Variants in CNTNAP4 observed in about 807,000 individuals in gnomAD.
The protein encoded by CNTNAP4 is contactin-associated protein-like 4.
In CNTNAP4, 98 loss-of-function variants were observed where a neutral mutation model predicts 148.4. That is an observed-to-expected ratio of 0.66 (90% CI 0.56 to 0.78). The LOEUF is 0.78. CNTNAP4 is among the 30% of genes least tolerant of loss of function. The pLI is 0.00. For synonymous variants in CNTNAP4, 730 were observed against 565.1 expected, an observed-to-expected ratio of 1.29 and a Z score of -4.14; for missense variants, 1,935 against 1,565.6, an observed-to-expected ratio of 1.24 and a Z score of -3.98.
At chr16:76,418,001 C>T (rs146745698) in intron 3 of CNTNAP4, among the ~76,000 whole-genome samples, 2 of 151,824 alleles carry the variant, frequency 1.3e-5, no homozygotes, top group East Asian at 3.9e-4. Flanking sequence ...ATATAGCTAC[C>T]TTTCGATGCC....
intron 3 of CNTNAP4, among the ~76,000 whole-genome samples, chr16:76,358,026 A>G (rs1263884519): frequency 6.6e-6 from 1 of 152,126 alleles, no homozygotes; most frequent in Non-Finnish European, 1.5e-5. Flanking sequence ...GAAGGTATCA[A>G]AAGTTTATGT....
At chr16:76,303,420 A>G (rs1960180163) in intron 1 of CNTNAP4, among the ~76,000 whole-genome samples, 1 of 152,202 alleles carries the variant, frequency 6.6e-6, no homozygotes. Context: ...ACCTAATATG[A>G]CTAGAATAAG....
intron 18 of CNTNAP4, among the ~76,000 whole-genome samples, chr16:76,537,078 G>A (rs1269595828): frequency 2.0e-5 from 3 of 152,052 alleles, no homozygotes; most frequent in African/African-American, 7.2e-5. Flanking sequence ...TATACTGCTG[G>A]TACCATTCTA....
At chr16:76,524,952 A>G (rs2144141578) in intron 17 of CNTNAP4, among the ~76,000 whole-genome samples, 1 of 152,154 alleles carries the variant, frequency 6.6e-6, no homozygotes, top group Admixed American at 6.5e-5. Context: ...TGGTGATACT[A>G]AGGGAAGGGC....
At chr16:76,352,596 GT>G (rs2011966171) in intron 2 of CNTNAP4, among the ~76,000 whole-genome samples, 1 of 152,076 alleles carries the variant, frequency 6.6e-6, no homozygotes, top group Admixed American at 6.5e-5. Flanking sequence ...CATCTACTAT[GT>G]AGACTGCACT....
intron 2 of CNTNAP4, among the ~76,000 whole-genome samples, chr16:76,333,201 A>T (rs1963693482): frequency 6.6e-6 from 1 of 152,292 alleles, no homozygotes; most frequent in East Asian, 1.9e-4. Context: ...CCACTAAGTG[A>T]CACATGATGT....
At position 76,476,951 on chromosome 16, in the gene CNTNAP4, GATAA is replaced by G. The variant is rs946443493; in HGVS notation, c.1762+910_1762+913del. ...AGATAATGATTAAATTATGATGGTA[GATAA>G]ATAGTTAATTTTATTCAATACTTTC... On this transcript the variant is annotated intron_variant, in intron 11 of 23. Transcript: ENST00000611870. Among the ~76,000 whole-genome samples the G allele has an allele frequency of 1.4e-4, 22 of 152,092 alleles. No homozygotes were observed. The South Asian group carries it at 2.5e-3, about 17-fold the overall frequency.
chr16:76,495,064 A>G lies in CNTNAP4; in HGVS notation c.2235A>G (p.Glu745=). 3 of 1,612,982 alleles carry G rather than the reference A, an allele frequency of 1.9e-6. No individual in the cohort carries two copies. The highest frequency in any genetic ancestry group is 2.2e-5 in the East Asian group (1 of 44,844). ...GCAATTGTGATGCTGACCGGAATGA[A>G]TGGTGATTTCCATATGATTTCTTTA... ...YYCNCDADRN[E]WTNDTGLLAY... Residue 745 remains glutamate, a splice_region_variant and synonymous_variant, in exon 14 of 24, where the codon GAA becomes GAG. Coordinates refer to ENST00000611870, the MANE Select transcript of CNTNAP4 (RefSeq NM_033401.5).
rs1272579054 is a variant in CNTNAP4, at chr16:76,406,337, G to T, written c.391-21115G>T. Among the ~76,000 whole-genome samples, 4 of 152,058 alleles carry T rather than the reference G, an allele frequency of 2.6e-5. No homozygotes were observed. The East Asian group carries it at 7.7e-4, about 29-fold the overall frequency. ...GTGTGTTCTGACTCCTCCACCAACT[G>T]GCTGTTCCCGCATCTCTCTCTCTCT... On this transcript the variant is annotated intron_variant, in intron 3 of 23. Coordinates refer to ENST00000611870, the MANE Select transcript of CNTNAP4 (RefSeq NM_033401.5).
chr16:76,525,478 T>A (rs4436805), intron 17 of CNTNAP4, among the ~76,000 whole-genome samples: 26,864 of 146,858 alleles, frequency 0.18, 2,569 homozygotes, highest in African/African-American at 0.22. Context: ...AGAGAAAAAA[T>A]ATATATATAA....
Position 76,452,516 on chromosome 16 carries a change from G to A in CNTNAP4, c.1080G>A (p.Val360=). ...QKPQIIAMGN[V]SFSCSQPQSM... is the part of the protein sequence containing the mutation. ...TTTTACTTTATTCTCAGGGAAATGT[G>A]TCATTTTCTTGTTCACAACCACAAT... Residue 360 remains valine (V), a synonymous_variant, in exon 8 of 24, where the codon GTG becomes GTA. Coordinates refer to ENST00000611870, the MANE Select transcript of CNTNAP4 (RefSeq NM_033401.5). 1.2e-6 allele frequency: 2 copies of A among 1,613,954 alleles called. No individual in the cohort carries two copies. Among genetic ancestry groups the A allele is most frequent in the Non-Finnish European group, 1.7e-6 (2 of 1,179,844 alleles).
chr16:76,450,252 C>T (rs1335481880), intron 7 of CNTNAP4, among the ~76,000 whole-genome samples: 4 of 152,046 alleles, frequency 2.6e-5, no homozygotes, highest in Non-Finnish European at 5.9e-5. Flanking sequence ...CAGATTCAAG[C>T]GATTCTCCTA....
At chr16:76,379,200 C>G (rs1042449973) in intron 3 of CNTNAP4, among the ~76,000 whole-genome samples, 3 of 151,940 alleles carry the variant, frequency 2.0e-5, no homozygotes, top group Non-Finnish European at 4.4e-5. Flanking sequence ...ATTCACAGTG[C>G]TACATGGGAA....
At chr16:76,398,682 G>T (rs761417307) in intron 3 of CNTNAP4, among the ~76,000 whole-genome samples, 2 of 152,046 alleles carry the variant, frequency 1.3e-5, no homozygotes, top group Admixed American at 6.6e-5. Context: ...CCATCAATAC[G>T]TGAGTTCCTA....
chr16:76,496,031 A>G (rs2082388174), intron 14 of CNTNAP4, among the ~76,000 whole-genome samples: 2 of 151,812 alleles, frequency 1.3e-5, no homozygotes, highest in Admixed American at 6.6e-5. Flanking sequence ...TATATCATAC[A>G]TCAAGATTAT....
chr16:76,525,214 TAGGCA>T (rs1434100432), intron 17 of CNTNAP4, among the ~76,000 whole-genome samples: 4 of 151,950 alleles, frequency 2.6e-5, no homozygotes, highest in African/African-American at 9.7e-5. Flanking sequence ...TTTTTCCCTG[TAGGCA>T]GACTCAGTGA....
At chr16:76,471,857 G>A (rs1422991182) in intron 10 of CNTNAP4, among the ~76,000 whole-genome samples, 3 of 149,828 alleles carry the variant, frequency 2.0e-5, no homozygotes, top group Admixed American at 1.3e-4. Flanking sequence ...TTGAATTGTG[G>A]TGGTGACCAT....
At chr16:76,477,754 A>G (rs896151595) in intron 11 of CNTNAP4, among the ~76,000 whole-genome samples, 2 of 152,186 alleles carry the variant, frequency 1.3e-5, no homozygotes, top group African/African-American at 4.8e-5. Context: ...TTAATTTTTT[A>G]CATCCTCCAT....
At chr16:76,471,169 G>C (rs1195868028) in intron 10 of CNTNAP4, among the ~76,000 whole-genome samples, 2 of 152,028 alleles carry the variant, frequency 1.3e-5, no homozygotes, top group Non-Finnish European at 2.9e-5. Context: ...TGGACATGCA[G>C]TGGGGTGGCC....
Sources: allele counts gnomAD v4.1 joint callset (sites outside exome capture counted in the v4.1 genomes callset), GRCh38; gene constraint gnomAD v4.1.1; transcripts MANE v1.5; gene names NCBI Gene and HGNC (gene_info 2026-07-23, HGNC 2026-07-21).